INPP5D: variants seen among roughly 807,000 people sequenced by gnomAD.
INPP5D encodes inositol polyphosphate-5-phosphatase D.
Under a neutral mutation model 122.9 loss-of-function variants are expected in INPP5D, and 33 were observed. That is an observed-to-expected ratio of 0.27 (90% CI 0.20 to 0.36). The LOEUF (loss-of-function observed/expected upper bound fraction) is 0.36, where lower values mean the gene tolerates loss of function less well. INPP5D is among the 10% of genes least tolerant of loss of function. The probability of loss-of-function intolerance (pLI) is 1.00; values close to 1 mark genes in which losing one functional copy is unlikely to be tolerated. For synonymous variants in INPP5D, 584 were observed against 576.2 expected (o/e 1.01, Z -0.19); for missense variants, 1,053 against 1,412.7 (o/e 0.75, Z 4.08).
At position 233,190,008 on chromosome 2, in the gene INPP5D, G is replaced by A. The variant is rs928253126; in HGVS notation, c.2446+71G>A. The A allele has an allele frequency of 4.4e-6, 7 of 1,576,546 alleles. No homozygotes were observed. The African/African-American group carries it at 8.1e-5, about 18-fold the overall frequency. On this transcript the variant is annotated intron_variant, in intron 22 of 26. Transcript: ENST00000445964. ...CCTCTGACGTAGCATTGCCTTCAGG[G>A]GAGCTCACCTGGCACTTCCGGTCAT... is the stretch of plus-strand genomic sequence containing the variant.
intron 9 of INPP5D, among the ~76,000 whole-genome samples, chr2:233,151,483 C>T (rs1267189925): frequency 3.3e-5 from 5 of 152,098 alleles, no homozygotes; most frequent in Non-Finnish European, 5.9e-5. Context: ...TGTGGTGACA[C>T]CTGTCACATC....
At chr2:233,147,928 A>C (rs1294077621) in intron 9 of INPP5D, among the ~76,000 whole-genome samples, 1 of 152,254 alleles carries the variant, frequency 6.6e-6, no homozygotes, top group Non-Finnish European at 1.5e-5. Context: ...TCTGCCACTT[A>C]GCAGCTGTGT....
At chr2:233,155,107 A>C (rs1694013064) in intron 9 of INPP5D, among the ~76,000 whole-genome samples, 1 of 152,168 alleles carries the variant, frequency 6.6e-6, no homozygotes, top group Non-Finnish European at 1.5e-5. Flanking sequence ...GTAAGAGAAT[A>C]AAATGAAAGT....
At chr2:233,143,136 A>G (rs1246879215) in intron 6 of INPP5D, among the ~76,000 whole-genome samples, 3 of 152,230 alleles carry the variant, frequency 2.0e-5, no homozygotes, top group African/African-American at 7.2e-5. Context: ...AAGACATGTG[A>G]GGATTAGATG....
At chr2:233,092,554 G>A (rs551461446) in intron 2 of INPP5D, among the ~76,000 whole-genome samples, 2 of 152,298 alleles carry the variant, frequency 1.3e-5, no homozygotes, top group Admixed American at 6.5e-5. Context: ...GGTACCAAAA[G>A]ATGTGTGGTT....
At position 233,204,390 on chromosome 2, in the gene INPP5D, G is replaced by A. The variant is rs544820988; in HGVS notation, c.3240G>A (p.Ala1080=). The change falls in exon 26 of 27, where the codon GCG becomes GCA. Residue 1080 remains alanine, a synonymous_variant. Coordinates refer to ENST00000445964, the MANE Select transcript of INPP5D (RefSeq NM_001017915.3). ...RGEGPGKQVP[A]PRLRSFTCSS... ...AGGGGCCCGGCAAGCAGGTGCCCGCGCCCCGGCTGCGCTCCTTCACGTGCT... is the reference window on the plus strand; with the variant it reads ...AGGGGCCCGGCAAGCAGGTGCCCGCACCCCGGCTGCGCTCCTTCACGTGCT... The A allele has an allele frequency of 1.9e-6, 3 of 1,610,258 alleles. No individual in the cohort carries two copies. Among genetic ancestry groups the A allele is most frequent in the Admixed American group, 1.7e-5 (1 of 59,858 alleles).
intron 2 of INPP5D, among the ~76,000 whole-genome samples, chr2:233,088,380 G>A (rs1339411488): frequency 1.3e-5 from 2 of 152,140 alleles, no homozygotes; most frequent in Non-Finnish European, 2.9e-5. Context: ...TCACTCCTGG[G>A]TCATAAAGGC....
In INPP5D at chr2:233,156,565, G is replaced by A. The variant is rs182057958; in HGVS notation, c.1031-1748G>A. On this transcript the variant is annotated intron_variant, in intron 9 of 26. Transcript: ENST00000445964. Reference sequence around the variant, plus strand: ...CTGCCTCAGCCTCCCAAAGTGCTAGGATTACAGGCATGAGCCACCGCGCCT... The same window carrying A: ...CTGCCTCAGCCTCCCAAAGTGCTAGAATTACAGGCATGAGCCACCGCGCCT... Among the ~76,000 whole-genome samples, 13 of 152,278 alleles carry A rather than the reference G, an allele frequency of 8.5e-5. No individual in the cohort carries two copies. The East Asian group carries it at 2.5e-3, about 29-fold the overall frequency.
Position 233,100,723 on chromosome 2 carries a change from C to T in INPP5D, c.198+21325C>T, listed in dbSNP as rs1241589134. ...TTCCTCAGAGCAGTGACTTTCAGTT[C>T]CTTTGCAGGTGTGACCTGTCTGCTC... On this transcript the variant is annotated intron_variant, in intron 2 of 26. Transcript: ENST00000445964. This position sits in a 1 kb window ranked among gnomAD's most constrained non-coding sequence, Gnocchi z 5.3. Among the ~76,000 whole-genome samples the T allele has an allele frequency of 1.3e-5, 2 of 152,206 alleles. No homozygotes were observed. The highest frequency in any genetic ancestry group is 4.8e-5 in the African/African-American group (2 of 41,444).
intron 1 of INPP5D, among the ~76,000 whole-genome samples, chr2:233,074,464 A>G (rs1025777730): frequency 1.3e-5 from 2 of 152,192 alleles, no homozygotes; most frequent in Admixed American, 6.5e-5. Context: ...GGAGGGGTCC[A>G]TGTTAGCAAG....
Position 233,194,315 on chromosome 2 carries a change from G to C in INPP5D, c.2596+354G>C, listed in dbSNP as rs956344084. Among the ~76,000 whole-genome samples the C allele has an allele frequency of 1.1e-4, 16 of 152,048 alleles. 1 individual carries two copies. The highest frequency in any genetic ancestry group is 8.5e-4 in the Admixed American group (13 of 15,256). On this transcript the variant is annotated intron_variant, in intron 23 of 26. Coordinates refer to ENST00000445964, the MANE Select transcript of INPP5D (RefSeq NM_001017915.3). ...CGTCTTGTTAAATGGCTCCTTCCAGGCTGTCCGGGGAAGGCCACAGCTACA... is the reference window on the plus strand; with the variant it reads ...CGTCTTGTTAAATGGCTCCTTCCAGCCTGTCCGGGGAAGGCCACAGCTACA...
intron 1 of INPP5D, among the ~76,000 whole-genome samples, chr2:233,061,118 C>T (rs565481255): frequency 1.3e-5 from 2 of 152,270 alleles, no homozygotes; most frequent in Non-Finnish European, 2.9e-5. Context: ...ACTTTCCATT[C>T]AGTCAGAAGC....
chr2:233,101,505 TAA>T (rs1692309455), intron 2 of INPP5D, among the ~76,000 whole-genome samples: 2 of 149,354 alleles, frequency 1.3e-5, no homozygotes, highest in East Asian at 1.9e-4. Context: ...CTCTTATTTA[TAA>T]GTTATTTTAT....
intron 2 of INPP5D, among the ~76,000 whole-genome samples, chr2:233,116,441 A>G (rs543767866): frequency 1.3e-5 from 2 of 150,822 alleles, no homozygotes; most frequent in African/African-American, 4.9e-5. Context: ...AGGGTGCACC[A>G]CTACGTTTGG....
At chr2:233,074,069 A>C (rs78422826) in intron 1 of INPP5D, among the ~76,000 whole-genome samples, 12,207 of 152,268 alleles carry the variant, frequency 0.08, 581 homozygotes, top group Middle Eastern at 0.11. Context: ...CCTTTTCTGG[A>C]TGGTGACATG....
chr2:233,104,967 G>T (rs560581420), intron 2 of INPP5D, among the ~76,000 whole-genome samples: 1 of 152,302 alleles, frequency 6.6e-6, no homozygotes, highest in East Asian at 1.9e-4. Context: ...AGGAGCTGTG[G>T]AGTATAAATT....
rs1333842471 is a variant in INPP5D at position 233,164,509 on chromosome 2, C to T, written c.1555+85C>T. On this transcript the variant is annotated intron_variant, in intron 13 of 26. Coordinates refer to ENST00000445964, the MANE Select transcript of INPP5D (RefSeq NM_001017915.3). The surrounding 1 kb of genome is among the most constrained non-coding windows in gnomAD (Gnocchi z 4.3). The stretch of plus-strand genomic sequence containing the variant: ...CATCATCCTGATCCCACCAGTAGTT[C>T]CCCGGGTTAAAAACAGAGAGCCTCA... The T allele has an allele frequency of 7.1e-7, 1 of 1,414,006 alleles. No homozygotes were observed. The highest frequency in any genetic ancestry group is 9.3e-7 in the Non-Finnish European group (1 of 1,069,976). The allele number at this position is 1,414,006 out of a possible 1,614,324, so 87.6% of individuals were successfully genotyped here. A position where few individuals can be genotyped will look rare whatever the true frequency, so the allele number is the denominator to read the frequency against.
intron 17 of INPP5D, among the ~76,000 whole-genome samples, chr2:233,176,341 ATGGATGGATGGATGG>A (rs1298632033): frequency 6.5e-5 from 9 of 139,096 alleles, no homozygotes; most frequent in Admixed American, 2.2e-4. Context: ...GGATGGATGG[ATGGATGGATGGATGG>A]ATAGGCGAAT....
At chr2:233,118,932 T>C (rs1187184095) in intron 2 of INPP5D, among the ~76,000 whole-genome samples, 1 of 152,242 alleles carries the variant, frequency 6.6e-6, no homozygotes, top group African/African-American at 2.4e-5. Context: ...CCCTGGCCTC[T>C]GGGAGCGGGC....
Sources: allele counts gnomAD v4.1 joint callset (sites outside exome capture counted in the v4.1 genomes callset), GRCh38; gene constraint gnomAD v4.1.1; non-coding constraint Gnocchi (gnomAD v3.1); transcripts MANE v1.5; gene names NCBI Gene and HGNC (gene_info 2026-07-23, HGNC 2026-07-21).